Variants in SFMBT1 observed in about 807,000 individuals in gnomAD.
SFMBT1 encodes Scm like with four mbt domains 1.
A neutral mutation model predicts 108.7 loss-of-function variants in SFMBT1; 32 were observed. That is an observed-to-expected ratio of 0.29 (90% CI 0.22 to 0.40). SFMBT1 has a LOEUF of 0.40. Ranked by LOEUF, SFMBT1 falls within the 10% of genes least tolerant of loss-of-function variation. The pLI is 1.00. For synonymous variants in SFMBT1, 348 were observed against 369.5 expected, an observed-to-expected ratio of 0.94 and a Z score of 0.67; for missense variants, 816 against 1,059.6, an observed-to-expected ratio of 0.77 and a Z score of 3.19.
Position 52,932,103 on chromosome 3 carries a change from C to A in SFMBT1, c.659G>T (p.Gly220Val). 1 of 1,614,120 alleles carries A rather than the reference C, an allele frequency of 6.2e-7. No individual in the cohort carries two copies. Among genetic ancestry groups the A allele is most frequent in the Non-Finnish European group, 8.5e-7 (1 of 1,180,030 alleles). ...YYLDPFLHHV[G>V]WAAQQGYELQ... is the part of the protein sequence containing the mutation. ...CTCATATCCCTGTTGAGCAGCCCAA[C>A]CAACGTGATGAAGAAATGGATCCAA... The change falls in exon 6 of 21, where the codon GGT becomes GTT. Residue 220 changes from glycine to valine, a missense_variant. By Grantham distance (109) the Gly-to-Val change is moderately radical. Around this residue, in one of 5 missense-constraint regions of SFMBT1, gnomAD observed 495 missense variants for 607.4 expected, o/e 0.81. Transcript: ENST00000394752.
At chr3:52,930,264 C>A in intron 8 of SFMBT1, 65 bp downstream of exon 8, 1 of 971,314 alleles carries the variant, frequency 1.0e-6, no homozygotes, top group South Asian at 1.3e-5. Flanking sequence ...GATCAAAACA[C>A]TACCCATTTC....
chr3:53,039,408 T>C (rs1189680633), intron 1 of SFMBT1, among the ~76,000 whole-genome samples: 3 of 152,110 alleles, frequency 2.0e-5, no homozygotes, highest in African/African-American at 7.2e-5. Flanking sequence ...GTACCTAGAA[T>C]AGTCAAAATC....
At chr3:52,924,212 G>C (rs73839709) in intron 10 of SFMBT1, among the ~76,000 whole-genome samples, 1,948 of 152,208 alleles carry the variant, frequency 0.013, 46 homozygotes, top group African/African-American at 0.045. Context: ...AAGGTACTGA[G>C]AGATGGGGAT....
At chr3:52,935,357 C>T (rs1353800811) in intron 4 of SFMBT1, among the ~76,000 whole-genome samples, 1 of 152,204 alleles carries the variant, frequency 6.6e-6, no homozygotes, top group African/African-American at 2.4e-5. Flanking sequence ...TAAAGTTTTA[C>T]TGGAACATGG....
At chr3:53,012,488 C>T (rs1217649015) in intron 1 of SFMBT1, among the ~76,000 whole-genome samples, 3 of 151,964 alleles carry the variant, frequency 2.0e-5, no homozygotes, top group Admixed American at 1.3e-4. Context: ...CTGCAAGCTC[C>T]GCCTCCCGGA....
intron 10 of SFMBT1, among the ~76,000 whole-genome samples, 193 bp from the exon 11 acceptor site, chr3:52,922,024 A>C (rs1479039912): frequency 6.6e-6 from 1 of 152,230 alleles, no homozygotes; most frequent in Non-Finnish European, 1.5e-5. Context: ...GTATACAGGA[A>C]GTACACTCTT....
chr3:52,921,977 A>G (rs535368312), intron 10 of SFMBT1, 146 bp from the exon 11 acceptor site: 12 of 800,274 alleles, frequency 1.5e-5, no homozygotes, highest in Middle Eastern at 3.8e-4. Flanking sequence ...TTAATGAAGC[A>G]AAAGGAAAAT....
At chr3:52,938,334 A>G (rs1268502334) in intron 4 of SFMBT1, among the ~76,000 whole-genome samples, 2 of 152,170 alleles carry the variant, frequency 1.3e-5, no homozygotes, top group African/African-American at 4.8e-5. Flanking sequence ...TAAATGTTAT[A>G]TACTTCGTGT....
chr3:52,956,162 T>C (rs953180825), intron 2 of SFMBT1, among the ~76,000 whole-genome samples: 2 of 152,190 alleles, frequency 1.3e-5, no homozygotes, highest in Non-Finnish European at 2.9e-5. Flanking sequence ...CATCCCTTCA[T>C]GTTAAAAACT....
intron 1 of SFMBT1, among the ~76,000 whole-genome samples, chr3:53,032,506 T>C (rs886469923): frequency 6.6e-6 from 1 of 152,200 alleles, no homozygotes; most frequent in Non-Finnish European, 1.5e-5. Flanking sequence ...AGTTTGGATT[T>C]TATTCTAATT....
intron 8 of SFMBT1, chr3:52,928,635 T>TAC (rs1327517668): frequency 1.4e-4 from 6 of 42,990 alleles, no homozygotes; most frequent in African/African-American, 4.6e-4. Context: ...TACATATATA[T>TAC]ACATATATAT....
chr3:53,041,646 C>T (rs1700056165), intron 1 of SFMBT1, among the ~76,000 whole-genome samples: 1 of 132,586 alleles, frequency 7.5e-6, no homozygotes, highest in Admixed American at 9.0e-5. Flanking sequence ...TGCAGTGAGC[C>T]ATGATCGTGC....
At chr3:52,953,986 G>A (rs1202395138) in intron 3 of SFMBT1, among the ~76,000 whole-genome samples, 3 of 152,080 alleles carry the variant, frequency 2.0e-5, no homozygotes, top group Non-Finnish European at 4.4e-5. Flanking sequence ...ATAGCCGGGC[G>A]TGGTGGCAGG....
rs968612364 is a variant in SFMBT1 at position 52,998,540 on chromosome 3, C to T, written c.-130-29282G>A. On this transcript the variant is annotated intron_variant, in intron 1 of 20. Transcript: ENST00000394752. ...TTCCCCTAGGTGCTGAAGGGCCCAG[C>T]CATAGCTCTCGCCCTCGCAGGGTCC... Among the ~76,000 whole-genome samples the T allele has an allele frequency of 9.3e-5, 14 of 150,402 alleles. 2 individuals are homozygous for T. Among genetic ancestry groups the T allele is most frequent in the African/African-American group, 3.4e-4 (14 of 41,312 alleles).
At chr3:52,978,990 G>T (rs1453468665) in intron 1 of SFMBT1, among the ~76,000 whole-genome samples, 2 of 152,066 alleles carry the variant, frequency 1.3e-5, no homozygotes, top group African/African-American at 2.4e-5. Flanking sequence ...TATGTACAGG[G>T]TTGCTTTTGG....
At chr3:52,914,719 G>A (rs1315001437) in intron 14 of SFMBT1, among the ~76,000 whole-genome samples, 2 of 152,160 alleles carry the variant, frequency 1.3e-5, no homozygotes, top group African/African-American at 4.8e-5. Flanking sequence ...ACTCCAGCCT[G>A]GATGACACAG....
intron 4 of SFMBT1, among the ~76,000 whole-genome samples, chr3:52,942,083 C>A (rs1247624852): frequency 6.6e-6 from 1 of 151,518 alleles, no homozygotes. Context: ...CAAGACCCTG[C>A]CTCAAGAAAA....
chr3:52,938,989 A>G (rs1427015571), intron 4 of SFMBT1, among the ~76,000 whole-genome samples: 1 of 152,230 alleles, frequency 6.6e-6, no homozygotes, highest in Non-Finnish European at 1.5e-5. Context: ...TTGGCTAGAT[A>G]TAAAATCCCT....
intron 1 of SFMBT1, among the ~76,000 whole-genome samples, chr3:53,011,625 A>C (rs1698947397): frequency 6.6e-6 from 1 of 152,220 alleles, no homozygotes; most frequent in South Asian, 2.1e-4. Flanking sequence ...GATTGAGCCT[A>C]AGAGACATTT....
Sources: allele counts gnomAD v4.1 joint callset (sites outside exome capture counted in the v4.1 genomes callset), GRCh38; gene constraint gnomAD v4.1.1; regional missense constraint gnomAD v4.1.1; transcripts MANE v1.5; gene names NCBI Gene and HGNC (gene_info 2026-07-23, HGNC 2026-07-21).